The following FREM1 variants were observed in gnomAD, a reference collection of about 807,000 sequenced individuals.
The protein encoded by FREM1 is FRAS1-related extracellular matrix protein 1.
A neutral mutation model predicts 210.1 loss-of-function variants in FREM1; 220 were observed. The ratio of observed to expected loss-of-function variants is 1.05; its 90% confidence interval spans 0.94 to 1.17. FREM1 has a LOEUF of 1.17. FREM1 is among the 50% of genes most tolerant of loss of function. The probability of loss-of-function intolerance (pLI) is 0.00; values close to 1 mark genes in which losing one functional copy is unlikely to be tolerated. For synonymous variants in FREM1, 1,189 were observed against 980.2 expected, an observed-to-expected ratio of 1.21 and a Z score of -3.98; for missense variants, 3,454 against 2,675.5, an observed-to-expected ratio of 1.29 and a Z score of -6.42.
intron 2 of FREM1, among the ~76,000 whole-genome samples, chr9:14,865,698 T>TGTGTGTGTGTGTGC (rs759644257): frequency 3.7e-4 from 55 of 150,634 alleles, no homozygotes; most frequent in African/African-American, 1.3e-3. Context: ...TGTGTGTGTG[T>TGTGTGTGTGTGTGC]GCACATGCAC....
intron 35 of FREM1, among the ~76,000 whole-genome samples, chr9:14,742,123 G>A (rs991059017): frequency 6.6e-5 from 10 of 151,816 alleles, no homozygotes; most frequent in Non-Finnish European, 1.2e-4. Flanking sequence ...AAATGTGGTG[G>A]GTATTATCTG....
chr9:14,892,986 G>C (rs1837115991), intron 1 of FREM1, among the ~76,000 whole-genome samples: 1 of 152,182 alleles, frequency 6.6e-6, no homozygotes, highest in Non-Finnish European at 1.5e-5. Context: ...TTTGATACTA[G>C]GTGCTAAGCA....
chr9:14,886,775 G>C (rs956842114), intron 1 of FREM1, among the ~76,000 whole-genome samples: 1 of 151,980 alleles, frequency 6.6e-6, no homozygotes, highest in African/African-American at 2.4e-5. Context: ...GCACATGCCT[G>C]TGGTCCCAGC....
chr9:14,872,571 G>C (rs1832878072), intron 1 of FREM1, among the ~76,000 whole-genome samples: 2 of 152,274 alleles, frequency 1.3e-5, no homozygotes, highest in African/African-American at 4.8e-5. Flanking sequence ...ATTTTGGACT[G>C]AGACAATGGG....
intron 4 of FREM1, among the ~76,000 whole-genome samples, chr9:14,858,181 T>A (rs1829141080): frequency 6.6e-6 from 1 of 152,108 alleles, no homozygotes; most frequent in Admixed American, 6.5e-5. Context: ...CGCACTCAAA[T>A]CCTGCGTATC....
chr9:14,812,212 T>A (rs1218107253), intron 16 of FREM1, among the ~76,000 whole-genome samples: 1 of 152,200 alleles, frequency 6.6e-6, no homozygotes. Context: ...GAATTAATAT[T>A]TTTTAGTGGA....
In FREM1 at chr9:14,855,031, C is replaced by T. The variant is rs568806760; in HGVS notation, c.828+2522G>A. Reference sequence around the variant, plus strand: ...TTCTAATTGGATACTGATAAAAATCCTTAGGGGCTTTTTTTTAAACTAACA... The same window carrying T: ...TTCTAATTGGATACTGATAAAAATCTTTAGGGGCTTTTTTTTAAACTAACA... On this transcript the variant is annotated intron_variant, in intron 5 of 36. Transcript: ENST00000380880. Among the ~76,000 whole-genome samples the T allele has an allele frequency of 3.2e-4, 49 of 151,912 alleles. No individual in the cohort carries two copies. In the East Asian group the frequency reaches 8.9e-3, roughly 27 times the overall value.
In FREM1 at chr9:14,868,956, C is replaced by A. The variant is rs569453437; in HGVS notation, c.22G>T (p.Ala8Ser). The A allele has an allele frequency of 6.4e-5, 102 of 1,586,118 alleles. No homozygotes were observed. The highest frequency in any genetic ancestry group is 8.0e-5 in the Non-Finnish European group (93 of 1,168,680). The change falls in exon 2 of 37, where the codon GCT (alanine) becomes TCT (serine). Residue 8 changes from alanine (A) to serine (S), a missense_variant. Coordinates refer to ENST00000380880, the MANE Select transcript of FREM1 (RefSeq NM_001379081.2). The stretch of plus-strand genomic sequence containing the variant: ...AGCAGCAGCAGCACGGCATTCGCAG[C>A]CCCCCAACTCAGAGAGTTCATGCTG... MNSLSWG[A>S]ANAVLLLLLL...
Position 14,851,495 on chromosome 9 carries a change from G to T in FREM1, c.941C>A (p.Ser314Tyr). The change falls in exon 6 of 37, where the codon TCC (serine) becomes TAC (tyrosine). Residue 314 changes from serine to tyrosine, a missense_variant. Coordinates refer to ENST00000380880, the MANE Select transcript of FREM1 (RefSeq NM_001379081.2). ...ACAGTCCAGAACTGATGTAGTCAAG[G>T]AGGTCAGGATGAACTGATCCACTTC... ...ILEVDQFILT[S>Y]LTTSVLDCEE... The T allele has an allele frequency of 1.2e-6, 2 of 1,613,956 alleles. No homozygotes were observed. Among genetic ancestry groups the T allele is most frequent in the Non-Finnish European group, 1.7e-6 (2 of 1,179,848 alleles).
intron 1 of FREM1, among the ~76,000 whole-genome samples, chr9:14,895,615 T>C (rs575036549): frequency 6.6e-6 from 1 of 152,144 alleles, no homozygotes; most frequent in East Asian, 1.9e-4. Flanking sequence ...ATTTACTTAT[T>C]TTGCCTTACT....
chr9:14,838,680 T>C (rs1161738340), intron 10 of FREM1, among the ~76,000 whole-genome samples: 1 of 152,188 alleles, frequency 6.6e-6, no homozygotes, highest in African/African-American at 2.4e-5. Flanking sequence ...ATTCATTTGG[T>C]GATCAATAAG....
intron 1 of FREM1, among the ~76,000 whole-genome samples, chr9:14,881,564 AT>A: frequency 6.6e-6 from 1 of 152,290 alleles, no homozygotes; most frequent in Non-Finnish European, 1.5e-5. Context: ...AGAATGCCAA[AT>A]AAGCTCCTCT....
chr9:14,791,500 C>T (rs1414772970), intron 22 of FREM1, among the ~76,000 whole-genome samples: 2 of 152,164 alleles, frequency 1.3e-5, no homozygotes, highest in African/African-American at 4.8e-5. Context: ...GATGGGATGA[C>T]TCCCACGTGA....
chr9:14,802,062 C>T (rs958413491), intron 19 of FREM1, among the ~76,000 whole-genome samples, 188 bp from the exon 20 acceptor site: 7 of 152,212 alleles, frequency 4.6e-5, no homozygotes, highest in Non-Finnish European at 1.0e-4. Flanking sequence ...ATCTATTAAT[C>T]TCCCTTACAT....
intron 25 of FREM1, among the ~76,000 whole-genome samples, chr9:14,772,929 C>T (rs1587862613): frequency 6.6e-6 from 1 of 152,126 alleles, no homozygotes; most frequent in African/African-American, 2.4e-5. Flanking sequence ...GTAATAAATG[C>T]CTGTCGTGAT....
At chr9:14,892,033 G>A (rs1013560659) in intron 1 of FREM1, among the ~76,000 whole-genome samples, 2 of 151,976 alleles carry the variant, frequency 1.3e-5, no homozygotes, top group Non-Finnish European at 2.9e-5. Flanking sequence ...TTTACTCTAT[G>A]GACTCACCCT....
At chr9:14,848,025 C>T (rs559690719) in intron 7 of FREM1, among the ~76,000 whole-genome samples, 1 of 152,234 alleles carries the variant, frequency 6.6e-6, no homozygotes, top group African/African-American at 2.4e-5. Context: ...TAAGCTGCCA[C>T]CTGAGGATTT....
At chr9:14,898,005 A>G (rs1279246818) in intron 1 of FREM1, among the ~76,000 whole-genome samples, 2 of 152,150 alleles carry the variant, frequency 1.3e-5, no homozygotes, top group Non-Finnish European at 2.9e-5. Flanking sequence ...TTTCTTTCTT[A>G]CAAATAACTT....
chr9:14,898,166 T>G (rs1588655101), intron 1 of FREM1, among the ~76,000 whole-genome samples: 1 of 152,292 alleles, frequency 6.6e-6, no homozygotes, highest in East Asian at 1.9e-4. Flanking sequence ...GGTTCCATAA[T>G]TTCTTTGAGC....
Sources: gnomAD v4.1 joint callset for allele counts (sites outside exome capture counted in the v4.1 genomes callset) on GRCh38, gnomAD v4.1.1 for gene constraint, MANE v1.5 for transcripts, NCBI Gene and HGNC (gene_info 2026-07-23, HGNC 2026-07-21) for gene names.